Variants in ACO1 observed in about 807,000 individuals in gnomAD.
The protein encoded by ACO1 is cytoplasmic aconitate hydratase.
ACO1 carries 78 observed loss-of-function variants against 105.1 expected under a neutral mutation model. The ratio of observed to expected loss-of-function variants is 0.74; its 90% CI spans 0.62 to 0.90. The LOEUF (loss-of-function observed/expected upper bound fraction) is 0.90. ACO1 is among the 40% of genes least tolerant of loss of function. ACO1 has a pLI of 0.00. For missense variants in ACO1, 965 were observed against 1,111.1 expected (o/e 0.87, Z 1.87); for synonymous variants, 364 against 397.4 (o/e 0.92, Z 1.00).
In ACO1 at chr9:32,433,817, A is replaced by G. The variant is rs1822293494; in HGVS notation, c.1941A>G (p.Pro647=). Residue 647 remains proline, a synonymous_variant, in exon 16 of 21, where the codon CCA becomes CCG. Coordinates refer to ENST00000309951, the MANE Select transcript of ACO1 (RefSeq NM_002197.3). ...NSKSTYIKSP[P]FFENLTLDLQ... is the part of the protein sequence containing the mutation. ...AATCTACGTATATCAAATCACCACC[A>G]TTCTTTGAAAACCTGGTATGGCTTT... 1 of 1,605,544 alleles carries G rather than the reference A, an allele frequency of 6.2e-7. No homozygotes were observed. The highest frequency in any genetic ancestry group is 8.5e-7 in the Non-Finnish European group (1 of 1,177,374).
chr9:32,397,351 G>C (rs1230098760), intron 1 of ACO1, among the ~76,000 whole-genome samples: 1 of 152,180 alleles, frequency 6.6e-6, no homozygotes, highest in African/African-American at 2.4e-5. Flanking sequence ...TTTATGAACA[G>C]CTAAAAGAAT....
intron 19 of ACO1, 144 bp downstream of exon 19, chr9:32,440,731 C>A: frequency 9.2e-7 from 1 of 1,082,874 alleles, no homozygotes. Flanking sequence ...TCCTGGCCTG[C>A]TTCTTGGTGC....
At chr9:32,415,344 C>A (rs1269073689) in intron 4 of ACO1, among the ~76,000 whole-genome samples, 1 of 152,178 alleles carries the variant, frequency 6.6e-6, no homozygotes, top group Non-Finnish European at 1.5e-5. Context: ...CCTCACAGGG[C>A]AGCTGGTTGG....
intron 1 of ACO1, among the ~76,000 whole-genome samples, chr9:32,401,388 A>ATT (rs549426052): frequency 8.5e-5 from 12 of 140,438 alleles, no homozygotes; most frequent in African/African-American, 2.6e-4. Flanking sequence ...AATCAGCTGT[A>ATT]TTTTTTTTTT....
chr9:32,449,199 T>G (rs933581981), intron 20 of ACO1, 118 bp downstream of exon 20: 8 of 950,294 alleles, frequency 8.4e-6, no homozygotes, highest in African/African-American at 3.3e-5. Context: ...TCAGGAGGAC[T>G]GCATTAGACT....
intron 1 of ACO1, among the ~76,000 whole-genome samples, chr9:32,396,013 C>T (rs145408024): frequency 1.3e-4 from 20 of 152,328 alleles, no homozygotes; most frequent in East Asian, 3.9e-4. Context: ...ATTGCTATAG[C>T]GTGGCCCTGG....
chr9:32,401,051 T>G (rs1821484903), intron 1 of ACO1, among the ~76,000 whole-genome samples: 1 of 152,184 alleles, frequency 6.6e-6, no homozygotes, highest in South Asian at 2.1e-4. Flanking sequence ...TTACTAACAT[T>G]TTGTATCTTG....
chr9:32,443,650 A>G (rs1822531017), intron 19 of ACO1, among the ~76,000 whole-genome samples: 1 of 152,224 alleles, frequency 6.6e-6, no homozygotes, highest in South Asian at 2.1e-4. Context: ...TTTTAGGTTT[A>G]TCATCCTTCG....
At chr9:32,415,259 T>C (rs1005223656) in intron 4 of ACO1, among the ~76,000 whole-genome samples, 16 of 152,320 alleles carry the variant, frequency 1.1e-4, no homozygotes, top group Middle Eastern at 3.4e-3. Flanking sequence ...AAGCCATTGG[T>C]AGATTCAGAC....
Position 32,408,707 on chromosome 9 carries a change from C to G in ACO1, c.404+56C>G. 3 of 1,571,820 alleles carry G rather than the reference C, an allele frequency of 1.9e-6. No homozygotes were observed. In the South Asian group the frequency reaches 3.5e-5, roughly 18 times the overall value. ...CTGCTTTGTGCAAAATCTTTGAACA[C>G]GAATCTTTTTAAAATGTGTATATGT... On this transcript the variant is annotated intron_variant, in intron 4 of 20. Coordinates refer to ENST00000309951, the MANE Select transcript of ACO1 (RefSeq NM_002197.3).
At chr9:32,398,257 T>G (rs1369577572) in intron 1 of ACO1, among the ~76,000 whole-genome samples, 1 of 152,228 alleles carries the variant, frequency 6.6e-6, no homozygotes, top group African/African-American at 2.4e-5. Context: ...AAAGATGAGA[T>G]GGAGACCCTA....
At chr9:32,404,197 C>T (rs758130516) in intron 1 of ACO1, among the ~76,000 whole-genome samples, 6 of 152,164 alleles carry the variant, frequency 3.9e-5, no homozygotes, top group Admixed American at 1.3e-4. Context: ...CACCATCTTC[C>T]CTCCAAAAGC....
intron 3 of ACO1, 97 bp from the exon 4 acceptor site, chr9:32,408,417 A>T: frequency 7.2e-7 from 1 of 1,381,284 alleles, no homozygotes; most frequent in South Asian, 1.3e-5. Context: ...CTGATGAGGT[A>T]GGGCCTTGTC....
In ACO1 at chr9:32,396,243, A is replaced by T. The variant is rs557327266; in HGVS notation, c.-22-9242A>T. 3.9e-5 allele frequency among the ~76,000 whole-genome samples: 6 copies of T among 152,320 alleles called. No homozygotes were observed. The East Asian group carries it at 1.2e-3, about 29-fold the overall frequency. ...ACTGTAACCAATTTTTGATGTTGGA[A>T]GTCTACAGTCTAAACCAGATGACAG... On this transcript the variant is annotated intron_variant, in intron 1 of 20. Coordinates refer to ENST00000309951, the MANE Select transcript of ACO1 (RefSeq NM_002197.3).
intron 1 of ACO1, among the ~76,000 whole-genome samples, chr9:32,398,658 A>G (rs906214863): frequency 6.6e-6 from 1 of 151,830 alleles, no homozygotes; most frequent in Non-Finnish European, 1.5e-5. Flanking sequence ...CAGTGGCACA[A>G]TCACAGCTCA....
At chr9:32,438,180 G>A (rs1027577741) in intron 18 of ACO1, among the ~76,000 whole-genome samples, 1 of 152,126 alleles carries the variant, frequency 6.6e-6, no homozygotes, top group African/African-American at 2.4e-5. Flanking sequence ...CAGACTTCTT[G>A]ATGCTAGAAA....
At chr9:32,403,058 C>A (rs1009280513) in intron 1 of ACO1, among the ~76,000 whole-genome samples, 4 of 152,166 alleles carry the variant, frequency 2.6e-5, no homozygotes, top group Admixed American at 2.6e-4. Flanking sequence ...GAGGATTTCC[C>A]ATGACTTTCC....
chr9:32,416,640 A>C (rs1383002287), intron 4 of ACO1, among the ~76,000 whole-genome samples: 1 of 152,106 alleles, frequency 6.6e-6, no homozygotes, highest in Non-Finnish European at 1.5e-5. Context: ...CCAGACTCAG[A>C]GTGCCAGTGG....
At chr9:32,448,398 C>G (rs1280750128) in intron 19 of ACO1, among the ~76,000 whole-genome samples, 1 of 152,252 alleles carries the variant, frequency 6.6e-6, no homozygotes, top group Non-Finnish European at 1.5e-5. Flanking sequence ...CATCCCAGGT[C>G]AACCTCAGAC....
Sources: allele counts gnomAD v4.1 joint callset (sites outside exome capture counted in the v4.1 genomes callset), GRCh38; gene constraint gnomAD v4.1.1; transcripts MANE v1.5; gene names NCBI Gene and HGNC (gene_info 2026-07-23, HGNC 2026-07-21).